Variants in RCC1L observed in about 807,000 individuals in gnomAD.
The protein encoded by RCC1L is RCC1-like G exchanging factor-like protein.
RCC1L carries 46 observed loss-of-function variants against 58.6 expected under a neutral mutation model. The observed-to-expected ratio is 0.79, with a 90% CI of 0.62 to 1.00. RCC1L has a LOEUF of 1.00. Among genes scored for constraint, RCC1L ranks in the 50% least tolerant of loss-of-function variants. The probability of loss-of-function intolerance (pLI) is 0.00; values close to 1 mark genes in which losing one functional copy is unlikely to be tolerated. For missense variants in RCC1L, 636 were observed against 623.6 expected, an observed-to-expected ratio of 1.02 and a Z score of -0.21; for synonymous variants, 281 against 262.9, an observed-to-expected ratio of 1.07 and a Z score of -0.67.
chr7:75,073,524 G>A lies in RCC1L; in HGVS notation c.214C>T (p.Leu72=). 1.4e-6 allele frequency: 2 copies of A among 1,453,744 alleles called. No individual in the cohort carries two copies. The highest frequency in any genetic ancestry group is 1.4e-5 in the South Asian group (1 of 72,850). The allele number at this position is 1,453,744 out of a possible 1,614,324, so 90.1% of individuals were successfully genotyped here. Reference sequence around the variant, plus strand: ...GGCACCACAAAGGAAGGCACGCCCAGCGCCCCCGAGAAGCTGAAGCCCCAC... The same window carrying A: ...GGCACCACAAAGGAAGGCACGCCCAACGCCCCCGAGAAGCTGAAGCCCCAC... ...FVWGFSFSGA[L]GVPSFVVPSS... The change falls in exon 1 of 11, where the codon CTG becomes TTG. Residue 72 remains leucine (L), a synonymous_variant. Coordinates refer to ENST00000610322, the MANE Select transcript of RCC1L (RefSeq NM_030798.5).
intron 2 of RCC1L, among the ~76,000 whole-genome samples, chr7:75,069,790 C>G (rs1294627541): frequency 6.6e-6 from 1 of 151,994 alleles, no homozygotes; most frequent in Admixed American, 6.6e-5. Flanking sequence ...GTCTCGAACT[C>G]CTGGCCTCAA....
chr7:75,037,505 T>C (rs1446787583), downstream of RCC1L, among the ~76,000 whole-genome samples: 1 of 140,168 alleles, frequency 7.1e-6, no homozygotes, highest in Non-Finnish European at 1.6e-5. Flanking sequence ...GTTTATATCT[T>C]TTTTTTTTTT....
rs1326524879 is a variant in RCC1L at position 75,027,966 on chromosome 7, C to T, written c.*66G>A. On this transcript the variant is annotated 3_prime_UTR_variant, in exon 11 of 11. Transcript: ENST00000614461. ...CCCACTTGGAGGGGCATGTGTTTCTCAGAGGGGCTCCATCCGCAGTTGCAT... is the reference window on the plus strand; with the variant it reads ...CCCACTTGGAGGGGCATGTGTTTCTTAGAGGGGCTCCATCCGCAGTTGCAT... The T allele has an allele frequency of 4.0e-6, 6 of 1,497,548 alleles. No individual in the cohort carries two copies. In the African/African-American group the frequency reaches 6.9e-5, roughly 17 times the overall value. The allele number at this position is 1,497,548 out of a possible 1,614,324, so 92.8% of individuals were successfully genotyped here. A position where few individuals can be genotyped will look rare whatever the true frequency, so the allele number is the denominator to read the frequency against.
At position 75,056,179 on chromosome 7, in the gene RCC1L, T is replaced by A; in HGVS notation, c.1058-105A>T. 3 of 1,356,678 alleles carry A rather than the reference T, an allele frequency of 2.2e-6. No individual in the cohort carries two copies. In the South Asian group the frequency reaches 3.8e-5, roughly 17 times the overall value. 84.0% of individuals were successfully genotyped at this position (1,356,678 alleles called of 1,614,324 possible). ...AAGGTTTATGACATCCACACGGTTT[T>A]TTTTTGTTTTTTTTTTGTTTTGTTT... is the stretch of plus-strand genomic sequence containing the variant. On this transcript the variant is annotated intron_variant, in intron 8 of 10. Coordinates refer to ENST00000610322, the MANE Select transcript of RCC1L (RefSeq NM_030798.5).
intron 10 of RCC1L, among the ~76,000 whole-genome samples, chr7:75,036,854 G>T (rs1219514281): frequency 6.6e-6 from 1 of 152,120 alleles, no homozygotes; most frequent in Non-Finnish European, 1.5e-5. Context: ...AGTGAGCTGA[G>T]ATCGCACCAC....
chr7:75,033,214 C>G (rs1400463639), intron 10 of RCC1L, among the ~76,000 whole-genome samples: 1 of 152,076 alleles, frequency 6.6e-6, no homozygotes, highest in Non-Finnish European at 1.5e-5. Context: ...GGGTCCTTCC[C>G]GGAGCATTAC....
intron 7 of RCC1L, 147 bp from the exon 8 acceptor site, chr7:75,057,763 C>T: frequency 1.3e-6 from 1 of 774,876 alleles, no homozygotes; most frequent in South Asian, 1.5e-5. Context: ...AAGCATCATA[C>T]TAGGTGCTGG....
rs782513127 is a variant in RCC1L at position 75,073,647 on chromosome 7, G to A, written c.91C>T (p.Arg31Cys). The A allele has an allele frequency of 1.0e-5, 15 of 1,474,692 alleles. No homozygotes were observed. The highest frequency in any genetic ancestry group is 2.4e-5 in the Admixed American group (1 of 41,732). The allele number at this position is 1,474,692 out of a possible 1,614,324, so 91.4% of individuals were successfully genotyped here. A position where few individuals can be genotyped will look rare whatever the true frequency, so the allele number is the denominator to read the frequency against. ...GCCGCTTCGCGCCGGCTCCGGGAGCGCCCGGCCGCCGTCCAGTGCCCTCGC... is the reference window on the plus strand; with the variant it reads ...GCCGCTTCGCGCCGGCTCCGGGAGCACCCGGCCGCCGTCCAGTGCCCTCGC... Reference protein sequence around the residue: ...LGRGHWTAAGRSRSRREAAEA... With the variant: ...LGRGHWTAAGCSRSRREAAEA... The change falls in exon 1 of 11, where the codon CGC becomes TGC. Residue 31 changes from arginine (R) to cysteine (C), a missense_variant. Coordinates refer to ENST00000610322, the MANE Select transcript of RCC1L (RefSeq NM_030798.5).
chr7:75,064,526 G>C lies in RCC1L; in HGVS notation c.650+56C>G, dbSNP rs1554444819. 2.1e-5 allele frequency: 34 copies of C among 1,600,028 alleles called. No homozygotes were observed. The Middle Eastern group carries it at 1.5e-3, about 70-fold the overall frequency. On this transcript the variant is annotated intron_variant, in intron 4 of 10. Transcript: ENST00000610322. Reference sequence around the variant, plus strand: ...CGGGTTTACCACAGTCATCTCCCTAGAAATGTTTTGACACTTAACTCAACA... The same window carrying C: ...CGGGTTTACCACAGTCATCTCCCTACAAATGTTTTGACACTTAACTCAACA...
chr7:75,041,863 CAAA>C (rs1201913828), downstream of RCC1L, among the ~76,000 whole-genome samples: 6 of 64,480 alleles, frequency 9.3e-5, no homozygotes, highest in Admixed American at 1.9e-4. Flanking sequence ...GACTCTGTCT[CAAA>C]AAAAAAAAAA....
chr7:75,072,485 C>T (rs1031153322), intron 1 of RCC1L, among the ~76,000 whole-genome samples: 3 of 152,112 alleles, frequency 2.0e-5, no homozygotes, highest in Non-Finnish European at 2.9e-5. Context: ...ACTGACACTA[C>T]ACCGTTACGT....
chr7:75,073,364 G>A, intron 1 of RCC1L, 50 bp downstream of exon 1: 1 of 859,514 alleles, frequency 1.2e-6, no homozygotes, highest in Non-Finnish European at 1.6e-6. Context: ...GAGGGAGGCC[G>A]GGAGCGCGGA....
intron 10 of RCC1L, among the ~76,000 whole-genome samples, chr7:75,029,017 C>T (rs1805222879): frequency 6.6e-6 from 1 of 152,226 alleles, no homozygotes; most frequent in South Asian, 2.1e-4. Flanking sequence ...GCCAGGGTGA[C>T]ATTTGTTCAG....
At chr7:75,070,803 T>C in intron 1 of RCC1L, 34 bp from the exon 2 acceptor site, 1 of 1,612,122 alleles carries the variant, frequency 6.2e-7, no homozygotes, top group Non-Finnish European at 8.5e-7. Context: ...ATGAACTGAT[T>C]TATAATGTCA....
intron 10 of RCC1L, among the ~76,000 whole-genome samples, chr7:75,028,689 G>T (rs965427578): frequency 1.3e-5 from 2 of 152,014 alleles, no homozygotes; most frequent in Non-Finnish European, 2.9e-5. Context: ...TCAGCCCGTC[G>T]TCCTAACCCA....
At chr7:75,070,983 A>T (rs143778969) in intron 1 of RCC1L, among the ~76,000 whole-genome samples, 1 of 152,108 alleles carries the variant, frequency 6.6e-6, no homozygotes, top group Non-Finnish European at 1.5e-5. Flanking sequence ...AAGCCTCCCA[A>T]GTAGCTGGGA....
chr7:75,035,731 G>T (rs1472115317), intron 10 of RCC1L, among the ~76,000 whole-genome samples: 1 of 150,872 alleles, frequency 6.6e-6, no homozygotes, highest in African/African-American at 2.4e-5. Context: ...CCTGGGCGAG[G>T]TGGCTCATGC....
At position 75,042,889 on chromosome 7, in the gene RCC1L, G is replaced by A; in HGVS notation, c.*143C>T. 1 of 1,494,028 alleles carries A rather than the reference G, an allele frequency of 6.7e-7. No individual in the cohort carries two copies. The highest frequency in any genetic ancestry group is 9.0e-7 in the Non-Finnish European group (1 of 1,115,210). 92.5% of individuals were successfully genotyped at this position (1,494,028 alleles called of 1,614,324 possible). A position where few individuals can be genotyped will look rare whatever the true frequency, so the allele number is the denominator to read the frequency against. On this transcript the variant is annotated 3_prime_UTR_variant, in exon 11 of 11. Coordinates refer to ENST00000610322, the MANE Select transcript of RCC1L (RefSeq NM_030798.5). ...ATCCTCCTGGTAGGTACCCGCTAAGGGATTCAGGACAGAGCGTCACACTGC... is the reference window on the plus strand; with the variant it reads ...ATCCTCCTGGTAGGTACCCGCTAAGAGATTCAGGACAGAGCGTCACACTGC...
intron 10 of RCC1L, among the ~76,000 whole-genome samples, chr7:75,035,328 G>T (rs1318024607): frequency 6.6e-6 from 1 of 152,196 alleles, no homozygotes; most frequent in Non-Finnish European, 1.5e-5. Context: ...ACCGCGCCCG[G>T]CCTGGGTCCC....
Sources: allele counts gnomAD v4.1 joint callset (sites outside exome capture counted in the v4.1 genomes callset), GRCh38; gene constraint gnomAD v4.1.1; transcripts MANE v1.5; gene names NCBI Gene and HGNC (gene_info 2026-07-23, HGNC 2026-07-21).